The following ETS1 variants were observed in gnomAD, a reference collection of about 807,000 sequenced individuals.
ETS1 encodes ETS proto-oncogene 1, transcription factor.
A neutral mutation model predicts 58.6 loss-of-function variants in ETS1; 15 were observed. That is an observed-to-expected ratio of 0.26 (90% CI 0.17 to 0.39). The LOEUF (loss-of-function observed/expected upper bound fraction) is 0.39. Ranked by LOEUF, ETS1 falls within the 10% of genes least tolerant of loss-of-function variation. The pLI, the probability that ETS1 is intolerant of heterozygous loss-of-function variation, is 1.00. For missense variants in ETS1, 417 were observed against 610.5 expected (o/e 0.68, Z 3.34); for synonymous variants, 214 against 218.2 (o/e 0.98, Z 0.17).
intron 3 of ETS1, among the ~76,000 whole-genome samples, chr11:128,545,165 C>G (rs1234471442): frequency 6.6e-6 from 1 of 152,102 alleles, no homozygotes; most frequent in Non-Finnish European, 1.5e-5. Flanking sequence ...TCCTTGTGCC[C>G]TTAAATGACC....
intron 2 of ETS1, among the ~76,000 whole-genome samples, chr11:128,564,071 T>C (rs1253769539): frequency 7.1e-6 from 1 of 141,560 alleles, no homozygotes; most frequent in Non-Finnish European, 1.6e-5. Context: ...TGGTCAGAGG[T>C]ATTTGGCCTC....
chr11:128,477,549 G>C (rs1305171552), intron 8 of ETS1, among the ~76,000 whole-genome samples: 1 of 152,162 alleles, frequency 6.6e-6, no homozygotes, highest in Non-Finnish European at 1.5e-5. Flanking sequence ...GGGGCACCAT[G>C]AGGGTGTGAG....
chr11:128,510,079 G>A (rs1284878542), intron 3 of ETS1, among the ~76,000 whole-genome samples: 1 of 152,150 alleles, frequency 6.6e-6, no homozygotes, highest in Non-Finnish European at 1.5e-5. Flanking sequence ...AGGAGGCAAG[G>A]GAGGTGTAAG....
chr11:128,485,655 C>T (rs1862609214), intron 6 of ETS1, among the ~76,000 whole-genome samples: 1 of 152,144 alleles, frequency 6.6e-6, no homozygotes, highest in South Asian at 2.1e-4. Flanking sequence ...CTGCATAGCA[C>T]ACTCTTAAAG....
intron 3 of ETS1, among the ~76,000 whole-genome samples, chr11:128,525,619 G>GAAAAAA (rs10554000): frequency 4.0e-5 from 3 of 75,818 alleles, no homozygotes; most frequent in Non-Finnish European, 5.2e-5. Context: ...GTAAGATTTA[G>GAAAAAA]AAAAAAAAAA....
chr11:128,522,600 A>T (rs2269458), intron 3 of ETS1, among the ~76,000 whole-genome samples: 61,282 of 152,022 alleles, frequency 0.4, 12,785 homozygotes, highest in East Asian at 0.62. Context: ...GAGCCCAGGC[A>T]GGGGCGGGAA....
At chr11:128,579,491 A>G (rs796138579) in intron 1 of ETS1, among the ~76,000 whole-genome samples, 3 of 152,094 alleles carry the variant, frequency 2.0e-5, no homozygotes, top group African/African-American at 7.2e-5. Context: ...GTGAAATTCC[A>G]TCTCTACTAA....
chr11:128,502,388 C>T (rs1264458119), intron 3 of ETS1, among the ~76,000 whole-genome samples: 1 of 152,200 alleles, frequency 6.6e-6, no homozygotes, highest in East Asian at 1.9e-4. Flanking sequence ...CCTCTCTGTA[C>T]AGAGGTTGCA....
intron 8 of ETS1, among the ~76,000 whole-genome samples, chr11:128,473,836 G>A (rs1017102654): frequency 6.6e-6 from 1 of 152,008 alleles, no homozygotes; most frequent in Non-Finnish European, 1.5e-5. Flanking sequence ...CAAAGGCAGG[G>A]TCATCTGGGA....
In ETS1 at chr11:128,459,835, T is replaced by G. The variant is rs1861857779; in HGVS notation, c.*2526A>C. The G allele has an allele frequency of 6.6e-6, 1 of 152,506 alleles. No homozygotes were observed. The highest frequency in any genetic ancestry group is 2.1e-4 in the South Asian group (1 of 4,830). 9.4% of individuals were successfully genotyped at this position (152,506 alleles called of 1,614,324 possible). ...GGGCGGAGGAGCACTAGGAGGCACT[T>G]TCTTATATCTTATCTGCTATAGGAA... is the stretch of plus-strand genomic sequence containing the variant. On this transcript the variant is annotated 3_prime_UTR_variant, in exon 10 of 10. Transcript: ENST00000392668.
At chr11:128,465,976 C>T (rs1862023600) in intron 8 of ETS1, among the ~76,000 whole-genome samples, 1 of 152,212 alleles carries the variant, frequency 6.6e-6, no homozygotes, top group Non-Finnish European at 1.5e-5. Flanking sequence ...TACGTTGCCC[C>T]TGGACAGGAC....
rs1862732260 is a variant in ETS1, at chr11:128,489,359, A to G, written c.466T>C (p.Cys156Arg). Residue 156 changes from cysteine to arginine, a missense_variant, in exon 5 of 10, where the codon TGC becomes CGC. This residue lies in a region of ETS1 where 132 missense variants were observed against 212.1 expected (regional missense o/e 0.62). Transcript: ENST00000392668. ...AAGTCTGGGGCCAGCTCGAGAAAGC[A>G]GTCTTTACCCAGGGCGCAGAGGGCT... ...GAALCALGKD[C>R]FLELAPDFVG... 4 of 1,614,114 alleles carry G rather than the reference A, an allele frequency of 2.5e-6. No homozygotes were observed. Among genetic ancestry groups the G allele is most frequent in the Middle Eastern group, 1.6e-4 (1 of 6,084 alleles).
chr11:128,495,158 C>A (rs908322274), intron 3 of ETS1, among the ~76,000 whole-genome samples: 1 of 152,136 alleles, frequency 6.6e-6, no homozygotes, highest in African/African-American at 2.4e-5. Context: ...CCTGGGAGAT[C>A]AAGAGCTTGA....
chr11:128,465,826 G>T (rs922727866), intron 8 of ETS1, among the ~76,000 whole-genome samples: 1 of 152,192 alleles, frequency 6.6e-6, no homozygotes, highest in Non-Finnish European at 1.5e-5. Flanking sequence ...ATTCTGTGGG[G>T]TGGATGCAAC....
At chr11:128,462,688 C>T (rs1189360822) in intron 9 of ETS1, 112 bp from the exon 10 acceptor site, 5 of 752,810 alleles carry the variant, frequency 6.6e-6, no homozygotes, top group Non-Finnish European at 1.1e-5. Flanking sequence ...CCATGATGCT[C>T]AAGTAAGATG....
At chr11:128,530,400 T>C (rs906597131) in intron 3 of ETS1, 1 of 152,276 alleles carries the variant, frequency 6.6e-6, no homozygotes, top group Non-Finnish European at 1.5e-5. Context: ...TGGGCATGTG[T>C]GACGTGTAAG....
chr11:128,492,410 T>C (rs1862825951), intron 3 of ETS1, among the ~76,000 whole-genome samples: 1 of 152,168 alleles, frequency 6.6e-6, no homozygotes, highest in Admixed American at 6.5e-5. Context: ...GTCAGGAAAC[T>C]GCTAGAGTCC....
chr11:128,564,375 C>G (rs111322628), intron 2 of ETS1, among the ~76,000 whole-genome samples: 1 of 152,190 alleles, frequency 6.6e-6, no homozygotes, highest in South Asian at 2.1e-4. Flanking sequence ...AGGCCTGACA[C>G]GCTGCAGGTT....
chr11:128,579,473 C>G (rs1407846743), intron 1 of ETS1, among the ~76,000 whole-genome samples: 2 of 151,930 alleles, frequency 1.3e-5, no homozygotes, highest in Non-Finnish European at 2.9e-5. Context: ...AGCAGCCTGA[C>G]AAACATAGTG....
Sources: gnomAD v4.1 joint callset for allele counts (sites outside exome capture counted in the v4.1 genomes callset) on GRCh38, gnomAD v4.1.1 for gene constraint, gnomAD v4.1.1 regional missense constraint, MANE v1.5 for transcripts, NCBI Gene and HGNC (gene_info 2026-07-23, HGNC 2026-07-21) for gene names.